The following POLK variants were observed in gnomAD, a reference collection of about 807,000 sequenced individuals.
POLK encodes the protein DNA polymerase kappa.
In POLK, 76 loss-of-function variants were observed where a neutral mutation model predicts 94.0. That is an observed-to-expected ratio of 0.81 (90% CI 0.67 to 0.98). The LOEUF (loss-of-function observed/expected upper bound fraction) is 0.98. Among genes scored for constraint, POLK ranks in the 50% least tolerant of loss-of-function variants. POLK has a pLI of 0.00. For synonymous variants in POLK, 349 were observed against 325.4 expected (o/e 1.07, Z -0.78); for missense variants, 954 against 1,010.1 (o/e 0.94, Z 0.75).
rs189804427 is a variant in POLK at position 75,523,957 on chromosome 5, T to C, written c.-14+12043T>C. The stretch of plus-strand genomic sequence containing the variant: ...CCAGCCTGGCCAACATGGTGAAACC[T>C]CGTCTCTACTAAAAATGCAAAAATT... On this transcript the variant is annotated intron_variant, in intron 1 of 14. Transcript: ENST00000241436. Among the ~76,000 whole-genome samples, 316 of 151,924 alleles carry C rather than the reference T, an allele frequency of 2.1e-3. 1 individual carries two copies. The East Asian group carries it at 0.027, about 13-fold the overall frequency.
intron 7 of POLK, chr5:75,581,688 T>G: frequency 5.0e-6 from 2 of 397,624 alleles, no homozygotes; most frequent in Non-Finnish European, 9.0e-6. Flanking sequence ...CTTTTTTTTT[T>G]TTTTTGAGAT....
Position 75,547,162 on chromosome 5 carries a change from GTT to G in POLK, c.135+7_135+8del. ...ATTATAATGGAAGCCACGAAGGTATGTTTCTTGTTTCTTTTGATGTGTGTAAT... is the reference window on the plus strand; with the variant it reads ...ATTATAATGGAAGCCACGAAGGTATGTCTTGTTTCTTTTGATGTGTGTAAT... On this transcript the variant is annotated splice_donor_region_variant and intron_variant, in intron 2 of 14. Coordinates refer to ENST00000241436, the Ensembl canonical transcript of POLK. 6.7e-7 allele frequency: 1 copy of G among 1,503,562 alleles called. No individual in the cohort carries two copies. 93.1% of individuals were successfully genotyped at this position (1,503,562 alleles called of 1,614,324 possible).
At chr5:75,609,513 T>C in the POLK span, 1 of 152,206 alleles carries the variant, frequency 6.6e-6, no homozygotes, top group Admixed American at 6.5e-5. Flanking sequence ...ATTGATCTGC[T>C]GCTGTTTTCA....
At chr5:75,531,095 C>T (rs947372293) in intron 1 of POLK, among the ~76,000 whole-genome samples, 42 of 152,086 alleles carry the variant, frequency 2.8e-4, no homozygotes, top group African/African-American at 9.6e-4. Context: ...GCGTGAGCCA[C>T]TGCACCCAAA....
intron 10 of POLK, among the ~76,000 whole-genome samples, chr5:75,589,153 A>G (rs1772619767): frequency 6.6e-6 from 1 of 152,134 alleles, no homozygotes; most frequent in East Asian, 1.9e-4. Flanking sequence ...ATTTTTTATG[A>G]TAGAAAAAAA....
intron 1 of POLK, among the ~76,000 whole-genome samples, chr5:75,531,167 G>A (rs937481652): frequency 4.6e-5 from 7 of 150,976 alleles, no homozygotes; most frequent in African/African-American, 1.5e-4. Flanking sequence ...TTTTTTCCTC[G>A]AACAGGTTCT....
intron 1 of POLK, among the ~76,000 whole-genome samples, chr5:75,517,020 A>G (rs564881377): frequency 6.6e-6 from 1 of 152,264 alleles, no homozygotes; most frequent in African/African-American, 2.4e-5. Context: ...TTTTCTTGCC[A>G]GTATTATGGT....
chr5:75,546,423 A>G (rs1451272475), intron 1 of POLK, among the ~76,000 whole-genome samples: 3 of 152,188 alleles, frequency 2.0e-5, no homozygotes, highest in Non-Finnish European at 4.4e-5. Context: ...AAATTCAAAT[A>G]TAAGTGGATC....
chr5:75,581,808 T>A (rs1313222861), intron 7 of POLK: 2 of 201,016 alleles, frequency 9.9e-6, no homozygotes, highest in African/African-American at 2.4e-5. Context: ...GCCTCCCAAG[T>A]AGGTGGGACT....
intron 1 of POLK, among the ~76,000 whole-genome samples, chr5:75,517,662 T>C (rs1337477377): frequency 6.6e-6 from 1 of 152,196 alleles, no homozygotes; most frequent in Non-Finnish European, 1.5e-5. Context: ...TGACCAGGGC[T>C]TTCAGTATTA....
At chr5:75,525,793 A>G (rs1238182179) in intron 1 of POLK, among the ~76,000 whole-genome samples, 2 of 152,248 alleles carry the variant, frequency 1.3e-5, no homozygotes, top group Non-Finnish European at 2.9e-5. Flanking sequence ...TGATGAAGAT[A>G]TCTTTTGAGA....
exon 13 of POLK, chr5:75,596,309 C>T: frequency 6.2e-7 from 1 of 1,612,912 alleles, no homozygotes; most frequent in Non-Finnish European, 8.5e-7. Context: ...GGAAACCAAG[C>T]CCTGTCAGCC....
intron 1 of POLK, among the ~76,000 whole-genome samples, chr5:75,523,278 T>C (rs1435325979): frequency 6.6e-6 from 1 of 152,200 alleles, no homozygotes; most frequent in Non-Finnish European, 1.5e-5. Flanking sequence ...TAGTTAGAAA[T>C]ACCTAAAGTA....
chr5:75,590,487 G>A (rs913390012), intron 11 of POLK, 47 bp downstream of exon 11: 1 of 1,014,164 alleles, frequency 9.9e-7, no homozygotes, highest in Non-Finnish European at 1.6e-6. Context: ...TTTTTTAATA[G>A]TAAAATGCTA....
intron 3 of POLK, among the ~76,000 whole-genome samples, chr5:75,553,022 G>A (rs1770411403): frequency 6.6e-6 from 1 of 152,092 alleles, no homozygotes; most frequent in South Asian, 2.1e-4. Context: ...AAATTGGAGA[G>A]TAACTTAAAA....
intron 3 of POLK, among the ~76,000 whole-genome samples, chr5:75,564,231 C>CTTCTTTCT (rs368246035): frequency 2.7e-5 from 4 of 147,920 alleles, no homozygotes; most frequent in South Asian, 2.2e-4. Flanking sequence ...GCTTTTTTTT[C>CTTCTTTCT]TTCTTTCTTT....
chr5:75,555,603 T>C (rs988157227), intron 3 of POLK, among the ~76,000 whole-genome samples: 4 of 151,400 alleles, frequency 2.6e-5, no homozygotes, highest in African/African-American at 9.7e-5. Context: ...CAGGCTGGAG[T>C]GCAGTGGTGC....
downstream of POLK, among the ~76,000 whole-genome samples, chr5:75,602,923 CTTGT>C (rs1773328920): frequency 1.3e-5 from 2 of 152,178 alleles, no homozygotes; most frequent in African/African-American, 4.8e-5. Context: ...TAGCATGGGA[CTTGT>C]GGTATCCGCA....
intron 3 of POLK, among the ~76,000 whole-genome samples, chr5:75,568,129 G>A (rs545360990): frequency 2.6e-5 from 4 of 152,252 alleles, no homozygotes; most frequent in South Asian, 2.1e-4. Flanking sequence ...GGAACTCCAC[G>A]TTCCATAGAT....
Sources: gnomAD v4.1 joint callset for allele counts (sites outside exome capture counted in the v4.1 genomes callset) on GRCh38, gnomAD v4.1.1 for gene constraint, MANE v1.5 for transcripts, NCBI Gene and HGNC (gene_info 2026-07-23, HGNC 2026-07-21) for gene names.